The following KIT variants were observed in gnomAD, a reference collection of about 807,000 sequenced individuals.
KIT encodes KIT proto-oncogene, receptor tyrosine kinase, also known as mast/stem cell growth factor receptor Kit.
Under a neutral mutation model 105.7 loss-of-function variants are expected in KIT, and 16 were observed. The observed-to-expected ratio is 0.15, with a 90% CI of 0.10 to 0.23. The LOEUF is 0.23. Among genes scored for constraint, KIT ranks in the 10% least tolerant of loss-of-function variants. KIT has a pLI of 1.00. For synonymous variants in KIT, 438 were observed against 441.1 expected, an observed-to-expected ratio of 0.99 and a Z score of 0.09; for missense variants, 858 against 1,213.8, an observed-to-expected ratio of 0.71 and a Z score of 4.36.
chr4:54,712,179 A>G (rs1721205245), intron 7 of KIT, among the ~76,000 whole-genome samples: 1 of 152,362 alleles, frequency 6.6e-6, no homozygotes, highest in African/African-American at 2.4e-5. Context: ...TTGTGGATCA[A>G]TACTTCTTGT....
chr4:54,730,252 C>G (rs1400247678), intron 14 of KIT, among the ~76,000 whole-genome samples: 2 of 152,106 alleles, frequency 1.3e-5, no homozygotes, highest in Non-Finnish European at 2.9e-5. Flanking sequence ...TTATTTTGCC[C>G]AGTCCCCTAT....
chr4:54,703,796 A>G lies in KIT; in HGVS notation c.829A>G (p.Ile277Val), dbSNP rs757547974. The change falls in exon 5 of 21, where the codon ATC becomes GTC. Residue 277 changes from isoleucine (I) to valine (V), a missense_variant. Transcript: ENST00000288135. The part of the protein sequence containing the change: ...FNYERQATLT[I>V]SSARVNDSGV... ...TTATGAACGTCAGGCAACGTTGACTATCAGTTCAGCGAGAGTTAATGATTC... is the reference window on the plus strand; with the variant it reads ...TTATGAACGTCAGGCAACGTTGACTGTCAGTTCAGCGAGAGTTAATGATTC... 7.4e-6 allele frequency: 12 copies of G among 1,613,436 alleles called. No homozygotes were observed. The highest frequency in any genetic ancestry group is 6.7e-5 in the Admixed American group (4 of 59,996).
At chr4:54,672,338 T>C (rs1473613733) in intron 1 of KIT, among the ~76,000 whole-genome samples, 1 of 152,014 alleles carries the variant, frequency 6.6e-6, no homozygotes, top group Non-Finnish European at 1.5e-5. Context: ...GTGTAAGTGG[T>C]GTGTTCTCTT....
chr4:54,679,110 G>C (rs1174223203), intron 1 of KIT, among the ~76,000 whole-genome samples: 6 of 152,196 alleles, frequency 3.9e-5, no homozygotes, highest in Non-Finnish European at 5.9e-5. Flanking sequence ...GTGACACTGT[G>C]AGCTGCTCAC....
At chr4:54,679,071 C>T (rs1718720234) in intron 1 of KIT, among the ~76,000 whole-genome samples, 1 of 152,172 alleles carries the variant, frequency 6.6e-6, no homozygotes, top group Admixed American at 6.6e-5. Context: ...TACCTTGTCC[C>T]TCTAGAGCTG....
intron 1 of KIT, among the ~76,000 whole-genome samples, chr4:54,672,316 A>C (rs1412633534): frequency 7.9e-6 from 1 of 127,242 alleles, no homozygotes; most frequent in East Asian, 2.1e-4. Context: ...TTTTTTTTTT[A>C]ATGAGGGTAC....
intron 1 of KIT, among the ~76,000 whole-genome samples, chr4:54,660,127 T>C (rs1322604818): frequency 6.6e-6 from 1 of 152,224 alleles, no homozygotes; most frequent in Non-Finnish European, 1.5e-5. Context: ...CCCTGGCCCC[T>C]GTCTGCCTCT....
intron 4 of KIT, among the ~76,000 whole-genome samples, chr4:54,701,496 G>A (rs903899156): frequency 6.6e-6 from 1 of 152,184 alleles, no homozygotes; most frequent in Admixed American, 6.5e-5. Context: ...GAGTCTTGGA[G>A]TTTGTTCAAT....
chr4:54,675,893 C>G (rs761939653), intron 1 of KIT, among the ~76,000 whole-genome samples: 3 of 152,120 alleles, frequency 2.0e-5, no homozygotes, highest in Admixed American at 6.5e-5. Context: ...GTATTTGCCA[C>G]CCGGTGTCAC....
intron 7 of KIT, among the ~76,000 whole-genome samples, chr4:54,719,002 C>T (rs544308004): frequency 6.6e-6 from 1 of 152,188 alleles, no homozygotes; most frequent in South Asian, 2.1e-4. Flanking sequence ...AGACCAAAAC[C>T]GGGATAGTGA....
chr4:54,683,365 G>A (rs1404561769), intron 1 of KIT, among the ~76,000 whole-genome samples: 4 of 152,132 alleles, frequency 2.6e-5, no homozygotes, highest in South Asian at 2.1e-4. Flanking sequence ...GGCCGGGCGC[G>A]GTGGCTCACA....
At chr4:54,693,153 G>T (rs1719826254) in intron 1 of KIT, among the ~76,000 whole-genome samples, 1 of 152,164 alleles carries the variant, frequency 6.6e-6, no homozygotes, top group African/African-American at 2.4e-5. Context: ...GCAGCTTGTA[G>T]CCCTGGAGCA....
chr4:54,691,289 A>T (rs950029124), intron 1 of KIT, among the ~76,000 whole-genome samples: 2 of 152,182 alleles, frequency 1.3e-5, no homozygotes, highest in African/African-American at 4.8e-5. Flanking sequence ...TACCTGCAGG[A>T]TCTAAGACCT....
intron 4 of KIT, among the ~76,000 whole-genome samples, chr4:54,703,017 A>T (rs1332023172): frequency 2.0e-5 from 3 of 152,144 alleles, no homozygotes; most frequent in Non-Finnish European, 4.4e-5. Context: ...AGCTTATGTT[A>T]TGGTTTCCCC....
intron 20 of KIT, among the ~76,000 whole-genome samples, chr4:54,737,913 G>A (rs1401589076): frequency 2.0e-5 from 3 of 152,118 alleles, no homozygotes; most frequent in East Asian, 3.8e-4. Context: ...TCTTTCCTGG[G>A]CTGTGTGCTT....
At chr4:54,669,039 TAAATC>T (rs1338415092) in intron 1 of KIT, among the ~76,000 whole-genome samples, 1 of 152,206 alleles carries the variant, frequency 6.6e-6, no homozygotes, top group Non-Finnish European at 1.5e-5. Context: ...TTGTCATTGT[TAAATC>T]AAGCCAGGAT....
chr4:54,731,550 T>C, intron 15 of KIT, 131 bp downstream of exon 15: 3 of 772,006 alleles, frequency 3.9e-6, no homozygotes, highest in Non-Finnish European at 6.9e-6. Context: ...GCAGTGCCAA[T>C]GGTCAATGGC....
chr4:54,713,413 G>A (rs1577974879), intron 7 of KIT, among the ~76,000 whole-genome samples: 1 of 152,126 alleles, frequency 6.6e-6, no homozygotes, highest in Non-Finnish European at 1.5e-5. Flanking sequence ...TAGAATAGTT[G>A]TGGCCTTTTT....
intron 17 of KIT, among the ~76,000 whole-genome samples, chr4:54,734,454 T>A (rs1722797711): frequency 1.3e-5 from 2 of 152,240 alleles, no homozygotes; most frequent in African/African-American, 4.8e-5. Context: ...TTTATAGATG[T>A]CTTATTTACG....
Sources: allele counts gnomAD v4.1 joint callset (sites outside exome capture counted in the v4.1 genomes callset), GRCh38; gene constraint gnomAD v4.1.1; transcripts MANE v1.5; gene names NCBI Gene and HGNC (gene_info 2026-07-23, HGNC 2026-07-21).